The following JAZF1 variants were observed in gnomAD, a reference collection of about 807,000 sequenced individuals.
JAZF1 encodes JAZF zinc finger 1.
Under a neutral mutation model 26.4 loss-of-function variants are expected in JAZF1, and 8 were observed. The ratio of observed to expected loss-of-function variants is 0.30; its 90% CI spans 0.18 to 0.55. The LOEUF is 0.55. Among genes scored for constraint, JAZF1 ranks in the 20% least tolerant of loss-of-function variants. The pLI is 0.94. For synonymous variants in JAZF1, 126 were observed against 122.3 expected, an observed-to-expected ratio of 1.03 and a Z score of -0.20; for missense variants, 199 against 322.0, an observed-to-expected ratio of 0.62 and a Z score of 2.92.
intron 2 of JAZF1, chr7:27,913,252 T>G (rs968441514): frequency 5.6e-6 from 1 of 180,082 alleles, no homozygotes; most frequent in Non-Finnish European, 1.1e-5. Context: ...TATTTATGTT[T>G]ACATATTATA....
At chr7:28,037,897 C>CCTCATAATTTCTACGTCAAA (rs1209136088) in intron 1 of JAZF1, among the ~76,000 whole-genome samples, 3 of 152,192 alleles carry the variant, frequency 2.0e-5, no homozygotes, top group African/African-American at 4.8e-5. Context: ...TAATATGTCT[C>CCTCATAATTTCTACGTCAAA]CTCATAATTT....
chr7:27,846,231 C>G (rs1783027611), intron 3 of JAZF1, among the ~76,000 whole-genome samples: 1 of 152,082 alleles, frequency 6.6e-6, no homozygotes, highest in Non-Finnish European at 1.5e-5. Context: ...GCTTATTTCA[C>G]TTAGCATAAT....
Position 27,918,416 on chromosome 7 carries a change from T to C in JAZF1, c.189-23000A>G, listed in dbSNP as rs185171244. On this transcript the variant is annotated intron_variant, in intron 2 of 4. Coordinates refer to ENST00000283928, the MANE Select transcript of JAZF1 (RefSeq NM_175061.4). ...ATCACGAGGTTTAGCACTTATTTTA[T>C]AATTGCCCATATATATTAGTATCAC... 4.7e-3 allele frequency among the ~76,000 whole-genome samples: 714 copies of C among 152,322 alleles called. 6 individuals carry two copies. Among genetic ancestry groups the C allele is most frequent in the Non-Finnish European group, 8.3e-3 (562 of 68,022 alleles).
At chr7:28,011,032 C>T (rs1782789970) in intron 1 of JAZF1, among the ~76,000 whole-genome samples, 1 of 152,204 alleles carries the variant, frequency 6.6e-6, no homozygotes, top group Admixed American at 6.5e-5. Flanking sequence ...CACAATCCCA[C>T]ATCACCTGGC....
intron 2 of JAZF1, among the ~76,000 whole-genome samples, chr7:27,928,970 T>C (rs1158020686): frequency 5.3e-5 from 8 of 152,126 alleles, no homozygotes; most frequent in Admixed American, 2.6e-4. Flanking sequence ...ACAGAGGACA[T>C]GGCAGTTGGT....
chr7:28,044,202 C>T (rs1225787172), intron 1 of JAZF1, among the ~76,000 whole-genome samples: 1 of 152,110 alleles, frequency 6.6e-6, no homozygotes, highest in Non-Finnish European at 1.5e-5. Flanking sequence ...CACTGAAGAC[C>T]ATAAAATATA....
At chr7:28,175,774 T>C (rs1197058083) in intron 1 of JAZF1, among the ~76,000 whole-genome samples, 1 of 152,200 alleles carries the variant, frequency 6.6e-6, no homozygotes, top group Non-Finnish European at 1.5e-5. Flanking sequence ...TGCATACCTG[T>C]CTGGAATTCA....
intron 1 of JAZF1, among the ~76,000 whole-genome samples, chr7:28,022,065 A>C (rs1413979555): frequency 6.6e-6 from 1 of 152,212 alleles, no homozygotes; most frequent in African/African-American, 2.4e-5. Context: ...TGAGAGCCGC[A>C]CCTGCTAGAG....
At chr7:27,983,192 A>C (rs1785623406) in intron 2 of JAZF1, among the ~76,000 whole-genome samples, 1 of 152,206 alleles carries the variant, frequency 6.6e-6, no homozygotes, top group African/African-American at 2.4e-5. Flanking sequence ...AAGAAGCTAA[A>C]ACCCTTGAAA....
At chr7:28,131,633 T>C (rs192963196) in intron 1 of JAZF1, among the ~76,000 whole-genome samples, 2 of 152,332 alleles carry the variant, frequency 1.3e-5, no homozygotes, top group Admixed American at 1.3e-4. Flanking sequence ...CTTTTATTCA[T>C]CCAACAAATG....
At chr7:28,086,699 A>C (rs1328126582) in intron 1 of JAZF1, among the ~76,000 whole-genome samples, 1 of 152,238 alleles carries the variant, frequency 6.6e-6, no homozygotes, top group Non-Finnish European at 1.5e-5. Flanking sequence ...AGTGGAGGAG[A>C]CATCAAATTA....
intron 1 of JAZF1, among the ~76,000 whole-genome samples, chr7:28,040,241 A>G (rs1485673076): frequency 6.6e-6 from 1 of 152,180 alleles, no homozygotes; most frequent in Non-Finnish European, 1.5e-5. Flanking sequence ...TCATTTTTTT[A>G]TTCATTCATT....
intron 3 of JAZF1, among the ~76,000 whole-genome samples, chr7:27,859,324 C>G (rs906057466): frequency 6.6e-6 from 1 of 152,166 alleles, no homozygotes; most frequent in African/African-American, 2.4e-5. Context: ...GGTGATTCCT[C>G]AAGGATCTAG....
intron 1 of JAZF1, among the ~76,000 whole-genome samples, chr7:28,048,499 G>C (rs1427243679): frequency 6.6e-6 from 1 of 152,030 alleles, no homozygotes; most frequent in African/African-American, 2.4e-5. Flanking sequence ...TTTAGGCCAG[G>C]AATGCTGGCA....
intron 1 of JAZF1, among the ~76,000 whole-genome samples, chr7:28,060,990 T>A (rs879897953): frequency 2.6e-5 from 4 of 152,254 alleles, no homozygotes; most frequent in Non-Finnish European, 5.9e-5. Flanking sequence ...TGGTTCAGAA[T>A]GAGAGCTTTG....
At chr7:28,014,769 G>C (rs1782856256) in intron 1 of JAZF1, among the ~76,000 whole-genome samples, 1 of 152,200 alleles carries the variant, frequency 6.6e-6, no homozygotes, top group African/African-American at 2.4e-5. Context: ...AGAACGGAAT[G>C]TCTCTCTACT....
intron 3 of JAZF1, among the ~76,000 whole-genome samples, chr7:27,885,129 G>A (rs1323148748): frequency 6.6e-6 from 1 of 152,108 alleles, no homozygotes; most frequent in African/African-American, 2.4e-5. Context: ...TATTACCAGT[G>A]GGATGTTCAA....
chr7:28,000,739 C>T (rs1272325601), intron 1 of JAZF1, among the ~76,000 whole-genome samples: 1 of 151,552 alleles, frequency 6.6e-6, no homozygotes, highest in African/African-American at 2.4e-5. Context: ...ATGCCTCAGC[C>T]TCCTGAGTAG....
rs1050392112 is a variant in JAZF1, at chr7:28,159,047, G to GGA, written c.115+21414_115+21415dup. 9.9e-5 allele frequency among the ~76,000 whole-genome samples: 15 copies of GGA among 152,190 alleles called. No individual in the cohort carries two copies. In the South Asian group the frequency reaches 3.1e-3, roughly 32 times the overall value. On this transcript the variant is annotated intron_variant, in intron 1 of 4. Transcript: ENST00000283928. ...TTAAGGAGCTCACAAGCTGATGAGG[G>GGA]GAGAGAGACGCTGAACAAACAAATA...
Sources: allele counts gnomAD v4.1 joint callset (sites outside exome capture counted in the v4.1 genomes callset), GRCh38; gene constraint gnomAD v4.1.1; transcripts MANE v1.5; gene names NCBI Gene and HGNC (gene_info 2026-07-23, HGNC 2026-07-21).